The following ZFHX3 variants were observed in gnomAD, a reference collection of about 807,000 sequenced individuals.
ZFHX3 encodes the protein zinc finger homeobox 3.
In ZFHX3, 42 loss-of-function variants were observed where a neutral mutation model predicts 279.1. The observed-to-expected ratio is 0.15, with a 90% CI of 0.12 to 0.19. The LOEUF (loss-of-function observed/expected upper bound fraction) is 0.19. Ranked by LOEUF, ZFHX3 falls within the 10% of genes least tolerant of loss-of-function variation. ZFHX3 has a pLI of 1.00. For synonymous variants in ZFHX3, 2,293 were observed against 1,957.8 expected, an observed-to-expected ratio of 1.17 and a Z score of -4.52; for missense variants, 4,981 against 4,754.0, an observed-to-expected ratio of 1.05 and a Z score of -1.40.
intron 2 of ZFHX3, among the ~76,000 whole-genome samples, chr16:73,511,568 G>T (rs952229280): frequency 6.6e-6 from 1 of 152,172 alleles, no homozygotes; most frequent in African/African-American, 2.4e-5. Context: ...TCTGTTAACT[G>T]TTTTTGAAAA....
intron 7 of ZFHX3, among the ~76,000 whole-genome samples, chr16:73,112,283 G>T (rs916715226): frequency 6.6e-6 from 1 of 151,940 alleles, no homozygotes; most frequent in African/African-American, 2.4e-5. Flanking sequence ...GCCTACAGAG[G>T]AGTCGACACA....
intron 3 of ZFHX3, among the ~76,000 whole-genome samples, chr16:72,909,991 A>G (rs1359048626): frequency 3.3e-5 from 5 of 152,134 alleles, no homozygotes; most frequent in Non-Finnish European, 7.3e-5. Context: ...ACTTTCAATT[A>G]CGAAATGAAT....
Position 73,587,488 on chromosome 16 carries a change from A to G in ZFHX3, c.-1547+92692T>C, listed in dbSNP as rs189975969. ...AGTTGACTGCATTTAAGCAACAGAA[A>G]TTGAACTAAAAGCAACCCGCGTTGG... is the stretch of plus-strand genomic sequence containing the variant. On this transcript the variant is annotated intron_variant, in intron 2 of 17. Transcript: ENST00000641206. Among the ~76,000 whole-genome samples, 10 of 152,350 alleles carry G rather than the reference A, an allele frequency of 6.6e-5. No homozygotes were observed. In the East Asian group the frequency reaches 1.9e-3, roughly 29 times the overall value.
chr16:72,794,124 G>A lies in ZFHX3; in HGVS notation c.8558C>T (p.Ala2853Val). ...TDTTTGDEGNADNDSATGIAT... is the reference protein window; with the variant it reads ...TDTTTGDEGNVDNDSATGIAT... ...TATTCCCGTTGCACTGTCGTTATCT[G>A]CGTTGCCCTCGTCTCCAGTTGTGGT... The change falls in exon 9 of 10, where the codon GCA becomes GTA. Residue 2853 changes from alanine to valine, a missense_variant. Around this residue, in one of 7 missense-constraint regions of ZFHX3, gnomAD observed 744 missense variants for 701.3 expected, o/e 1.06. Coordinates refer to ENST00000268489, the MANE Select transcript of ZFHX3 (RefSeq NM_006885.4). The surrounding 1 kb of genome is among the most constrained non-coding windows in gnomAD (Gnocchi z 4.2). The A allele has an allele frequency of 1.2e-6, 2 of 1,614,216 alleles. No homozygotes were observed. Among genetic ancestry groups the A allele is most frequent in the Non-Finnish European group, 1.7e-6 (2 of 1,180,048 alleles).
In ZFHX3 at chr16:72,950,743, C is replaced by G; in HGVS notation, c.2942G>C (p.Gly981Ala). The G allele has an allele frequency of 6.2e-7, 1 of 1,614,104 alleles. No homozygotes were observed. The highest frequency in any genetic ancestry group is 8.5e-7 in the Non-Finnish European group (1 of 1,179,936). Residue 981 changes from glycine (G) to alanine (A), a missense_variant, in exon 3 of 10, where the codon GGG becomes GCG. Coordinates refer to ENST00000268489, the MANE Select transcript of ZFHX3 (RefSeq NM_006885.4). ...GCAGAGCTTGCACTGGTATGAGTCC[C>G]CCATCACCGCCTTCCACTCGTCCTC... ...LSEDEWKAVM[G>A]DSYQCKLCRY...
At chr16:73,270,448 C>T (rs368681389) in intron 4 of ZFHX3, among the ~76,000 whole-genome samples, 1 of 152,282 alleles carries the variant, frequency 6.6e-6, no homozygotes. Context: ...CTGAGCTCAT[C>T]TCAGGGGAGG....
intron 1 of ZFHX3, among the ~76,000 whole-genome samples, chr16:73,845,043 C>G (rs1443320548): frequency 6.6e-6 from 1 of 152,098 alleles, no homozygotes; most frequent in East Asian, 1.9e-4. Flanking sequence ...AGGAGCTCCT[C>G]TTTTTTATAA....
intron 2 of ZFHX3, 26 bp from the exon 3 acceptor site, chr16:72,950,991 G>A: frequency 6.3e-7 from 1 of 1,597,974 alleles, no homozygotes; most frequent in Non-Finnish European, 8.6e-7. Flanking sequence ...GAAGGAGAGA[G>A]TCAGACACCA....
intron 3 of ZFHX3, among the ~76,000 whole-genome samples, chr16:73,406,756 T>C (rs750565627): frequency 6.6e-6 from 1 of 152,228 alleles, no homozygotes; most frequent in Non-Finnish European, 1.5e-5. Context: ...TTCAGGTCAA[T>C]GATCTGTGAT....
intron 3 of ZFHX3, among the ~76,000 whole-genome samples, chr16:72,899,813 G>A (rs557365001): frequency 2.0e-5 from 3 of 152,204 alleles, no homozygotes; most frequent in Non-Finnish European, 2.9e-5. Flanking sequence ...TCTGATACAC[G>A]GTTAGCCTTC....
At chr16:72,863,203 TA>T (rs558605674) in intron 4 of ZFHX3, among the ~76,000 whole-genome samples, 66 of 151,732 alleles carry the variant, frequency 4.3e-4, no homozygotes, top group African/African-American at 1.5e-3. Flanking sequence ...GTCTTGTTAA[TA>T]AAAAAAGAGA....
chr16:73,856,949 C>G (rs1465738425), intron 1 of ZFHX3, among the ~76,000 whole-genome samples: 1 of 152,194 alleles, frequency 6.6e-6, no homozygotes. Flanking sequence ...GAATGTCCAA[C>G]GTGAAATGAA....
chr16:72,933,950 C>G (rs984518022), intron 3 of ZFHX3, among the ~76,000 whole-genome samples: 1 of 151,752 alleles, frequency 6.6e-6, no homozygotes, highest in Non-Finnish European at 1.5e-5. Flanking sequence ...TCCCGAGTAG[C>G]TGGGACTGCA....
At chr16:72,911,845 C>T (rs1457414465) in intron 3 of ZFHX3, among the ~76,000 whole-genome samples, 1 of 152,092 alleles carries the variant, frequency 6.6e-6, no homozygotes, top group Non-Finnish European at 1.5e-5. Flanking sequence ...CATCTAGTTA[C>T]CTGGATTAAG....
chr16:73,070,577 C>T (rs1322643740), intron 8 of ZFHX3, among the ~76,000 whole-genome samples: 1 of 152,188 alleles, frequency 6.6e-6, no homozygotes, highest in Non-Finnish European at 1.5e-5. Flanking sequence ...GAGGACGCAG[C>T]AGAGAGGAAA....
intron 5 of ZFHX3, among the ~76,000 whole-genome samples, chr16:73,147,773 G>C (rs1966873463): frequency 6.6e-6 from 1 of 151,274 alleles, no homozygotes; most frequent in Admixed American, 6.6e-5. Flanking sequence ...CGGAGGCCGA[G>C]GTGGGCAAAC....
intron 3 of ZFHX3, among the ~76,000 whole-genome samples, chr16:73,334,810 C>CCTTTTTTTTTTTTTTTTT (rs1555510772): frequency 5.2e-5 from 3 of 57,916 alleles, no homozygotes; most frequent in South Asian, 1.4e-3. Flanking sequence ...CTTTCTCATT[C>CCTTTTTTTTTTTTTTTTT]TTTTTTTTTT....
chr16:73,489,046 G>A (rs755125691), intron 2 of ZFHX3, among the ~76,000 whole-genome samples: 36 of 152,062 alleles, frequency 2.4e-4, no homozygotes, highest in Non-Finnish European at 1.5e-4. Context: ...GATTATTTTC[G>A]ATAGCTATTT....
At chr16:72,813,693 A>G (rs2036525987) in intron 5 of ZFHX3, among the ~76,000 whole-genome samples, 1 of 152,190 alleles carries the variant, frequency 6.6e-6, no homozygotes, top group Non-Finnish European at 1.5e-5. Context: ...ATCGACTTCA[A>G]ACCCATTTTG....
Sources: allele counts gnomAD v4.1 joint callset (sites outside exome capture counted in the v4.1 genomes callset), GRCh38; gene constraint gnomAD v4.1.1; regional missense constraint gnomAD v4.1.1; non-coding constraint Gnocchi (gnomAD v3.1); transcripts MANE v1.5; gene names NCBI Gene and HGNC (gene_info 2026-07-23, HGNC 2026-07-21).